GRIA2: variants seen among roughly 807,000 people sequenced by gnomAD.
The protein encoded by GRIA2 is glutamate ionotropic receptor AMPA type subunit 2.
In GRIA2, 14 loss-of-function variants were observed where a neutral mutation model predicts 97.3. That is an observed-to-expected ratio of 0.14 (90% CI 0.10 to 0.23). The LOEUF (loss-of-function observed/expected upper bound fraction) is 0.23. GRIA2 is among the 10% of genes least tolerant of loss of function. GRIA2 has a pLI of 1.00. For synonymous variants in GRIA2, 412 were observed against 387.8 expected (o/e 1.06, Z -0.73); for missense variants, 558 against 1,069.8 (o/e 0.52, Z 6.67).
chr4:157,289,627 A>G (rs1477460198), intron 2 of GRIA2, among the ~76,000 whole-genome samples: 1 of 151,834 alleles, frequency 6.6e-6, no homozygotes, highest in Non-Finnish European at 1.5e-5. Flanking sequence ...GTGACTTGTG[A>G]CAGGAAAAGG....
chr4:157,347,789 A>G (rs933499077), intron 12 of GRIA2, among the ~76,000 whole-genome samples: 2 of 152,194 alleles, frequency 1.3e-5, no homozygotes, highest in African/African-American at 2.4e-5. Context: ...TCAACTAGAT[A>G]TAAGTATTAT....
At chr4:157,308,538 C>G (rs1170665352) in intron 3 of GRIA2, among the ~76,000 whole-genome samples, 1 of 152,076 alleles carries the variant, frequency 6.6e-6, no homozygotes, top group African/African-American at 2.4e-5. Flanking sequence ...CTATGTATCT[C>G]AACAGTTTTG....
chr4:157,285,082 G>C (rs561180045), intron 2 of GRIA2, among the ~76,000 whole-genome samples: 1 of 151,602 alleles, frequency 6.6e-6, no homozygotes, highest in Admixed American at 6.6e-5. Context: ...ATTAATTCTT[G>C]GTATCAGACT....
At chr4:157,256,817 G>A (rs2126757657) in intron 2 of GRIA2, among the ~76,000 whole-genome samples, 2 of 152,018 alleles carry the variant, frequency 1.3e-5, no homozygotes, top group Middle Eastern at 6.8e-3. Flanking sequence ...GAAGGACTTG[G>A]TATCTAGAAG....
At chr4:157,350,935 T>G (rs1735984218) in intron 12 of GRIA2, among the ~76,000 whole-genome samples, 1 of 149,902 alleles carries the variant, frequency 6.7e-6, no homozygotes, top group African/African-American at 2.4e-5. Context: ...TTTTTTCTTT[T>G]TTTTTTTTTT....
intron 2 of GRIA2, among the ~76,000 whole-genome samples, chr4:157,298,907 T>G (rs1482742895): frequency 6.6e-6 from 1 of 151,968 alleles, no homozygotes; most frequent in African/African-American, 2.4e-5. Flanking sequence ...AATTTGACCT[T>G]GTGGAAAGGG....
rs1228786745 is a variant in GRIA2, at chr4:157,356,349, A to G, written c.2044-3547A>G. On this transcript the variant is annotated intron_variant, in intron 12 of 15. Coordinates refer to ENST00000264426, the MANE Select transcript of GRIA2 (RefSeq NM_001083619.3). Reference sequence around the variant, plus strand: ...GCCATCTTGACAGAAATGATTGTCAACCCCTGTGTTTTCCTTTTGCATTGC... The same window carrying G: ...GCCATCTTGACAGAAATGATTGTCAGCCCCTGTGTTTTCCTTTTGCATTGC... Among the ~76,000 whole-genome samples, 5 of 150,924 alleles carry G rather than the reference A, an allele frequency of 3.3e-5. 1 individual carries two copies. The highest frequency in any genetic ancestry group is 1.5e-5 in the Non-Finnish European group (1 of 67,874).
chr4:157,261,829 C>A (rs908177002), intron 2 of GRIA2, among the ~76,000 whole-genome samples: 1 of 151,928 alleles, frequency 6.6e-6, no homozygotes, highest in African/African-American at 2.4e-5. Context: ...GTCTCTTTTG[C>A]CCTCCTATAC....
intron 12 of GRIA2, among the ~76,000 whole-genome samples, chr4:157,349,516 T>C (rs1270822208): frequency 7.1e-6 from 1 of 140,290 alleles, no homozygotes; most frequent in African/African-American, 2.6e-5. Context: ...TTTTGTAACC[T>C]CAAAATATTG....
chr4:157,264,108 T>G (rs1731664987), intron 2 of GRIA2, among the ~76,000 whole-genome samples: 1 of 152,130 alleles, frequency 6.6e-6, no homozygotes, highest in African/African-American at 2.4e-5. Flanking sequence ...GTGTTAAACT[T>G]TGAAACTGCA....
chr4:157,337,726 T>C (rs1390397044), intron 11 of GRIA2, among the ~76,000 whole-genome samples: 1 of 151,834 alleles, frequency 6.6e-6, no homozygotes, highest in African/African-American at 2.4e-5. Context: ...GAAAACTGTA[T>C]GAGAAGCTCA....
At chr4:157,234,510 T>C (rs1730158097) in intron 2 of GRIA2, among the ~76,000 whole-genome samples, 1 of 152,124 alleles carries the variant, frequency 6.6e-6, no homozygotes, top group African/African-American at 2.4e-5. Flanking sequence ...AACTAAATCA[T>C]GCATAATTTA....
At chr4:157,257,602 G>C (rs1277497011) in intron 2 of GRIA2, among the ~76,000 whole-genome samples, 1 of 152,058 alleles carries the variant, frequency 6.6e-6, no homozygotes, top group Non-Finnish European at 1.5e-5. Flanking sequence ...AGCTTCACTT[G>C]TGAGACCAGT....
At chr4:157,299,759 G>C (rs1193670776) in intron 2 of GRIA2, among the ~76,000 whole-genome samples, 1 of 152,140 alleles carries the variant, frequency 6.6e-6, no homozygotes, top group South Asian at 2.1e-4. Flanking sequence ...CTTTTAGAAG[G>C]ACTTGCCCTT....
At position 157,317,691 on chromosome 4, in the gene GRIA2, C is replaced by G; in HGVS notation, c.700C>G (p.His234Asp). 1 of 1,226,478 alleles carries G rather than the reference C, an allele frequency of 8.2e-7. No individual in the cohort carries two copies. Among genetic ancestry groups the G allele is most frequent in the South Asian group, 1.3e-5 (1 of 79,612 alleles). 76.0% of individuals were successfully genotyped at this position (1,226,478 alleles called of 1,614,324 possible). The change falls in exon 5 of 16, where the codon CAC (histidine) becomes GAC (aspartate). Residue 234 changes from histidine to aspartate, a missense_variant. By Grantham distance (81) the His-to-Asp change is moderately conservative. Around this residue, in one of 8 missense-constraint regions of GRIA2, gnomAD observed 173 missense variants for 209.1 expected, o/e 0.83. Coordinates refer to ENST00000264426, the MANE Select transcript of GRIA2 (RefSeq NM_001083619.3). ...CATTGGAAAACATGTTAAAGGGTAC[C>G]ACTACATCATTGCAAATCTGGTAGG... is the stretch of plus-strand genomic sequence containing the variant. The part of the protein sequence containing the change: ...ITIGKHVKGY[H>D]YIIANLGFTD...
intron 2 of GRIA2, among the ~76,000 whole-genome samples, chr4:157,285,379 A>G (rs1732790800): frequency 6.6e-6 from 1 of 151,368 alleles, no homozygotes; most frequent in African/African-American, 2.4e-5. Flanking sequence ...TCTTTATAGT[A>G]CCTTTTTATA....
intron 13 of GRIA2, among the ~76,000 whole-genome samples, chr4:157,360,504 A>G (rs1736587675): frequency 1.3e-5 from 2 of 152,174 alleles, no homozygotes; most frequent in Non-Finnish European, 1.5e-5. Context: ...AACACTCTGC[A>G]TACAGACTAA....
chr4:157,293,887 T>G (rs530051833), intron 2 of GRIA2, among the ~76,000 whole-genome samples: 2 of 152,130 alleles, frequency 1.3e-5, no homozygotes, highest in Non-Finnish European at 2.9e-5. Flanking sequence ...GAGTCCATTA[T>G]GCTAAAGATA....
chr4:157,313,922 C>A (rs924216355), intron 4 of GRIA2, among the ~76,000 whole-genome samples: 2 of 151,922 alleles, frequency 1.3e-5, no homozygotes, highest in African/African-American at 4.8e-5. Flanking sequence ...ATAAAGTAAG[C>A]TAGGGAAAAG....
Sources: gnomAD v4.1 joint callset for allele counts (sites outside exome capture counted in the v4.1 genomes callset) on GRCh38, gnomAD v4.1.1 for gene constraint, gnomAD v4.1.1 regional missense constraint, MANE v1.5 for transcripts, NCBI Gene and HGNC (gene_info 2026-07-23, HGNC 2026-07-21) for gene names.